The following ZNF670 variants were observed in gnomAD, a reference collection of about 807,000 sequenced individuals.
ZNF670 encodes the protein zinc finger protein 670.
Under a neutral mutation model 10.9 loss-of-function variants are expected in ZNF670, and 7 were observed. That is an observed-to-expected ratio of 0.64 (90% confidence interval 0.36 to 1.20). The LOEUF (loss-of-function observed/expected upper bound fraction) is 1.20. Among genes scored for constraint, ZNF670 ranks in the 50% most tolerant of loss-of-function variants. The pLI, the probability that ZNF670 is intolerant of heterozygous loss-of-function variation, is 0.02. For synonymous variants in ZNF670, 136 were observed against 152.7 expected (o/e 0.89, Z 0.81); for missense variants, 446 against 458.6 (o/e 0.97, Z 0.25).
At chr1:247,074,242 T>A (rs1671201756) in intron 1 of ZNF670, among the ~76,000 whole-genome samples, 1 of 152,038 alleles carries the variant, frequency 6.6e-6, no homozygotes, top group Admixed American at 6.6e-5. Flanking sequence ...GCTAACCAAA[T>A]TTTACTTAAG....
At chr1:247,067,837 G>T (rs1325674966) in intron 1 of ZNF670, among the ~76,000 whole-genome samples, 1 of 41,902 alleles carries the variant, frequency 2.4e-5, no homozygotes, top group Non-Finnish European at 3.9e-5. Context: ...GCGAGACTCC[G>T]TCTCAAAAAA....
intron 1 of ZNF670, among the ~76,000 whole-genome samples, chr1:247,075,568 C>T (rs1204262721): frequency 6.6e-6 from 1 of 152,140 alleles, no homozygotes; most frequent in Non-Finnish European, 1.5e-5. Flanking sequence ...CTTTCCCCTG[C>T]TGTTCTGGTG....
At chr1:247,040,611 A>C (rs1401876092) in intron 1 of ZNF670, among the ~76,000 whole-genome samples, 1 of 152,250 alleles carries the variant, frequency 6.6e-6, no homozygotes, top group Admixed American at 6.5e-5. Context: ...TATTCAGGAC[A>C]GTATTAATGT....
intron 1 of ZNF670, among the ~76,000 whole-genome samples, chr1:247,067,905 A>G (rs181486624): frequency 1.9e-4 from 28 of 150,302 alleles, no homozygotes; most frequent in Non-Finnish European, 3.5e-4. Context: ...CAAAGTGAAG[A>G]GACAACCCAC....
At chr1:247,059,900 G>A (rs1437117984) in intron 1 of ZNF670, among the ~76,000 whole-genome samples, 1 of 152,012 alleles carries the variant, frequency 6.6e-6, no homozygotes, top group Non-Finnish European at 1.5e-5. Context: ...AAACACAACA[G>A]CACTTATATA....
rs1203150552 is a variant in ZNF670, at chr1:247,035,269, G to A, written c.*2180C>T. Among the ~76,000 whole-genome samples, 1 of 152,192 alleles carries A rather than the reference G, an allele frequency of 6.6e-6. No individual in the cohort carries two copies. The highest frequency in any genetic ancestry group is 2.4e-5 in the African/African-American group (1 of 41,446). On this transcript the variant is annotated 3_prime_UTR_variant, in exon 4 of 4. Transcript: ENST00000366503. The stretch of plus-strand genomic sequence containing the variant: ...TGGGAAAAACACGTGACACCCATGA[G>A]TGTACAGATAAGATTGAGAGAAGTT...
chr1:247,048,979 T>C (rs1670525627), intron 1 of ZNF670, among the ~76,000 whole-genome samples: 1 of 152,218 alleles, frequency 6.6e-6, no homozygotes, highest in Non-Finnish European at 1.5e-5. Context: ...GTTTCATAAT[T>C]CCAGGAATTC....
chr1:247,046,617 G>A (rs1481380195), intron 1 of ZNF670, among the ~76,000 whole-genome samples: 1 of 152,186 alleles, frequency 6.6e-6, no homozygotes, highest in Admixed American at 6.5e-5. Flanking sequence ...AGCCTGACAT[G>A]AGTGGAACCC....
intron 1 of ZNF670, among the ~76,000 whole-genome samples, chr1:247,075,453 T>C (rs1419500411): frequency 3.9e-5 from 6 of 152,228 alleles, no homozygotes; most frequent in African/African-American, 1.2e-4. Context: ...CATTTTGATA[T>C]AGTTTGGCTG....
intron 1 of ZNF670, chr1:247,043,376 A>C (rs770094795): frequency 3.7e-6 from 2 of 539,238 alleles, no homozygotes; most frequent in African/African-American, 1.9e-5. Context: ...AGCATGGTCA[A>C]GATGTTAAAA....
chr1:247,057,469 C>T (rs984617319), intron 1 of ZNF670, among the ~76,000 whole-genome samples: 18 of 152,192 alleles, frequency 1.2e-4, no homozygotes, highest in East Asian at 5.8e-4. Context: ...CACATGATGA[C>T]GGCAATCCCA....
chr1:247,039,060 CT>C (rs3078762), intron 2 of ZNF670, among the ~76,000 whole-genome samples, 190 bp from the exon 3 acceptor site: 11,765 of 125,448 alleles, frequency 0.094, 442 homozygotes, highest in South Asian at 0.18. Flanking sequence ...TTCTTTCTTT[CT>C]TTTTTTTTTT....
intron 1 of ZNF670, among the ~76,000 whole-genome samples, chr1:247,067,698 C>T (rs1326879468): frequency 1.3e-5 from 2 of 149,662 alleles, no homozygotes; most frequent in Middle Eastern, 3.4e-3. Context: ...AAAAATTAGC[C>T]GGGCGTAGTG....
chr1:247,078,491 G>A lies in ZNF670; in HGVS notation c.3+103C>T. ...TGTGCCACTAAGGCCGCGAGGCGCC[G>A]GCGGAAACTCGGGTCGGCACCGCGG... On this transcript the variant is annotated intron_variant, in intron 1 of 3. Transcript: ENST00000366503. 2.7e-6 allele frequency: 4 copies of A among 1,468,806 alleles called. No individual in the cohort carries two copies. The South Asian group carries it at 3.7e-5, about 13-fold the overall frequency. 91.0% of individuals were successfully genotyped at this position (1,468,806 alleles called of 1,614,324 possible).
At chr1:247,062,363 C>T (rs188716185) in intron 1 of ZNF670, among the ~76,000 whole-genome samples, 1 of 152,190 alleles carries the variant, frequency 6.6e-6, no homozygotes, top group East Asian at 1.9e-4. Flanking sequence ...AAAAGGTAAA[C>T]AGTAATTGTT....
intron 1 of ZNF670, chr1:247,043,931 G>A: frequency 9.0e-6 from 2 of 221,348 alleles, no homozygotes; most frequent in African/African-American, 2.4e-5. Flanking sequence ...GACCAGTCTA[G>A]CACCTTATGT....
At position 247,056,262 on chromosome 1, in the gene ZNF670, T is replaced by C. The variant is rs994925693; in HGVS notation, c.4-16725A>G. On this transcript the variant is annotated intron_variant, in intron 1 of 3. Transcript: ENST00000366503. ...TCAGAACATGAATCATTCTCAAGGA[T>C]AGACCATATGGTAGGTCACAAAAAA... Among the ~76,000 whole-genome samples, 227 of 152,306 alleles carry C rather than the reference T, an allele frequency of 1.5e-3. 2 individuals carry two copies. The highest frequency in any genetic ancestry group is 5.1e-3 in the African/African-American group (214 of 41,574).
chr1:247,037,746 T>C lies in ZNF670; in HGVS notation c.873A>G (p.Arg291=). 1 of 1,613,950 alleles carries C rather than the reference T, an allele frequency of 6.2e-7. No individual in the cohort carries two copies. The part of the protein sequence containing the change: ...YECIKCGKAF[R]CSRVLRVHER... The stretch of plus-strand genomic sequence containing the variant: ...CATGGACTCTGAGGACTCTGGAACA[T>C]CTAAAGGCTTTGCCACATTTTATAC... The change falls in exon 4 of 4, where the codon AGA becomes AGG. Residue 291 remains arginine, a synonymous_variant. Coordinates refer to ENST00000366503, the MANE Select transcript of ZNF670 (RefSeq NM_033213.5).
At chr1:247,045,371 G>A (rs1158416363) in intron 1 of ZNF670, among the ~76,000 whole-genome samples, 1 of 152,164 alleles carries the variant, frequency 6.6e-6, no homozygotes, top group Non-Finnish European at 1.5e-5. Flanking sequence ...GGTCATGGAG[G>A]CAGATATCTC....
Sources: gnomAD v4.1 joint callset for allele counts (sites outside exome capture counted in the v4.1 genomes callset) on GRCh38, gnomAD v4.1.1 for gene constraint, MANE v1.5 for transcripts, NCBI Gene and HGNC (gene_info 2026-07-23, HGNC 2026-07-21) for gene names.